Variants in CSMD1 observed in about 807,000 individuals in gnomAD.
CSMD1 encodes the protein CUB and Sushi multiple domains 1, also known as CUB and sushi domain-containing protein 1.
CSMD1 carries 213 observed loss-of-function variants against 417.5 expected under a neutral mutation model. The ratio of observed to expected loss-of-function variants is 0.51; its 90% confidence interval spans 0.46 to 0.57. The LOEUF (loss-of-function observed/expected upper bound fraction) is 0.57, where lower values mean the gene tolerates loss of function less well. Ranked by LOEUF, CSMD1 falls within the 20% of genes least tolerant of loss-of-function variation. CSMD1 has a pLI of 0.00. For missense variants in CSMD1, 6,923 were observed against 4,529.7 expected (o/e 1.53, Z -15.17); for synonymous variants, 2,862 against 1,736.8 (o/e 1.65, Z -16.11).
At chr8:4,141,351 C>T (rs35766022) in intron 3 of CSMD1, among the ~76,000 whole-genome samples, 45,379 of 151,022 alleles carry the variant, frequency 0.3, 8,497 homozygotes, top group Non-Finnish European at 0.39. Flanking sequence ...GAGAAGTATG[C>T]TCATGAAGCT....
intron 49 of CSMD1, among the ~76,000 whole-genome samples, chr8:3,059,299 C>T (rs1812436270): frequency 6.7e-6 from 1 of 150,092 alleles, no homozygotes; most frequent in Non-Finnish European, 1.5e-5. Context: ...AAACGTTTAC[C>T]AAAAACACGA....
At chr8:4,445,881 C>A (rs1035264965) in intron 2 of CSMD1, among the ~76,000 whole-genome samples, 2 of 152,178 alleles carry the variant, frequency 1.3e-5, no homozygotes, top group Admixed American at 1.3e-4. Flanking sequence ...GAGAAGGGCA[C>A]AAGAGGAGAG....
chr8:3,662,121 G>T (rs934431923), intron 7 of CSMD1, among the ~76,000 whole-genome samples: 1 of 152,138 alleles, frequency 6.6e-6, no homozygotes, highest in Non-Finnish European at 1.5e-5. Context: ...GGAACACCAG[G>T]ATGTTTTATC....
intron 2 of CSMD1, among the ~76,000 whole-genome samples, chr8:4,441,286 G>T (rs1307673184): frequency 3.5e-4 from 39 of 110,692 alleles, no homozygotes; most frequent in East Asian, 2.3e-3. Flanking sequence ...TTTTTTTGGT[G>T]GGGGGAGTAG....
intron 1 of CSMD1, among the ~76,000 whole-genome samples, chr8:4,793,747 T>C (rs1006026602): frequency 6.6e-6 from 1 of 151,214 alleles, no homozygotes; most frequent in Non-Finnish European, 1.5e-5. Context: ...CATTGGGATG[T>C]GGACATTCGT....
chr8:3,738,045 G>T (rs75225719), intron 6 of CSMD1, among the ~76,000 whole-genome samples: 1 of 152,186 alleles, frequency 6.6e-6, no homozygotes, highest in African/African-American at 2.4e-5. Context: ...TCTGGTGTCT[G>T]TAAGTTTCAA....
At chr8:3,870,763 G>T (rs936072414) in intron 5 of CSMD1, among the ~76,000 whole-genome samples, 4 of 151,980 alleles carry the variant, frequency 2.6e-5, no homozygotes, top group African/African-American at 9.7e-5. Flanking sequence ...ATAAATAAAT[G>T]TATATTAATT....
chr8:3,949,887 G>A (rs376260685), intron 5 of CSMD1: 2 of 455,678 alleles, frequency 4.4e-6, no homozygotes, highest in African/African-American at 4.0e-5. Flanking sequence ...CCCAATTCAA[G>A]ATTGTGCCTC....
At chr8:4,373,118 C>G (rs1802499035) in intron 3 of CSMD1, among the ~76,000 whole-genome samples, 1 of 152,162 alleles carries the variant, frequency 6.6e-6, no homozygotes, top group Non-Finnish European at 1.5e-5. Flanking sequence ...CCAGTCTCAT[C>G]ATGAGAAAAA....
chr8:3,147,278 T>A (rs990510174), intron 40 of CSMD1, among the ~76,000 whole-genome samples: 1 of 152,232 alleles, frequency 6.6e-6, no homozygotes, highest in African/African-American at 2.4e-5. Context: ...TCATACTCAA[T>A]AATCTTCTAT....
chr8:4,197,384 T>G (rs1585004781), intron 3 of CSMD1, among the ~76,000 whole-genome samples: 1 of 152,152 alleles, frequency 6.6e-6, no homozygotes, highest in East Asian at 1.9e-4. Context: ...TGTGGTGGTG[T>G]TTTTACATAA....
chr8:3,241,456 G>T (rs531623835), intron 26 of CSMD1, among the ~76,000 whole-genome samples: 1 of 152,146 alleles, frequency 6.6e-6, no homozygotes, highest in African/African-American at 2.4e-5. Flanking sequence ...CAGGGCTTCC[G>T]AGGTGATCTG....
At chr8:4,983,265 C>A (rs1054772820) in intron 1 of CSMD1, among the ~76,000 whole-genome samples, 3 of 152,126 alleles carry the variant, frequency 2.0e-5, no homozygotes, top group African/African-American at 7.2e-5. Context: ...CAACACCTTC[C>A]CTAGGTCAAC....
chr8:4,321,290 C>G (rs1411049107), intron 3 of CSMD1, among the ~76,000 whole-genome samples: 1 of 152,110 alleles, frequency 6.6e-6, no homozygotes. Context: ...ATGTTCAGAG[C>G]TGACCCAGTC....
chr8:4,066,163 T>G (rs1294446859), intron 3 of CSMD1, among the ~76,000 whole-genome samples: 1 of 152,214 alleles, frequency 6.6e-6, no homozygotes, highest in African/African-American at 2.4e-5. Flanking sequence ...CACCCATTAT[T>G]TCTAAAGATT....
chr8:4,967,546 C>T (rs542757055), intron 1 of CSMD1, among the ~76,000 whole-genome samples: 1 of 152,194 alleles, frequency 6.6e-6, no homozygotes, highest in Admixed American at 6.5e-5. Flanking sequence ...CCAATATTTT[C>T]CCCCATGCAA....
chr8:3,457,569 T>C (rs1160098099), intron 12 of CSMD1, among the ~76,000 whole-genome samples: 1 of 152,152 alleles, frequency 6.6e-6, no homozygotes, highest in Non-Finnish European at 1.5e-5. Context: ...ATGTACGCGG[T>C]TTAAAAAACA....
chr8:3,800,056 T>G (rs1398730526), intron 5 of CSMD1, among the ~76,000 whole-genome samples: 1 of 152,144 alleles, frequency 6.6e-6, no homozygotes, highest in Non-Finnish European at 1.5e-5. Context: ...CACTGAAATA[T>G]GGAGAAAAAC....
intron 1 of CSMD1, among the ~76,000 whole-genome samples, chr8:4,688,273 A>C (rs909981397): frequency 6.6e-6 from 1 of 152,178 alleles, no homozygotes; most frequent in African/African-American, 2.4e-5. Context: ...ATATTGATCT[A>C]ACATAATGAA....
Sources: allele counts gnomAD v4.1 joint callset (sites outside exome capture counted in the v4.1 genomes callset), GRCh38; gene constraint gnomAD v4.1.1; transcripts MANE v1.5; gene names NCBI Gene and HGNC (gene_info 2026-07-23, HGNC 2026-07-21).